Variants in ACAN observed in about 807,000 individuals in gnomAD.
The protein encoded by ACAN is aggrecan.
Under a neutral mutation model 169.1 loss-of-function variants are expected in ACAN, and 47 were observed. That is an observed-to-expected ratio of 0.28 (90% confidence interval 0.22 to 0.35). The LOEUF (loss-of-function observed/expected upper bound fraction) is 0.35, where lower values mean the gene tolerates loss of function less well. Ranked by LOEUF, ACAN falls within the 10% of genes least tolerant of loss-of-function variation. The probability of loss-of-function intolerance (pLI) is 1.00; values close to 1 mark genes in which losing one functional copy is unlikely to be tolerated. For missense variants in ACAN, 2,716 were observed against 2,759.9 expected (o/e 0.98, Z 0.36); for synonymous variants, 1,115 against 1,112.2 (o/e 1.00, Z -0.05).
rs758352547 is a variant in ACAN, at chr15:88,872,905, C to A, written c.7327C>A (p.Gln2443Lys). 71 of 1,613,666 alleles carry A rather than the reference C, an allele frequency of 4.4e-5. No homozygotes were observed. Among genetic ancestry groups the A allele is most frequent in the Non-Finnish European group, 5.9e-5 (70 of 1,179,918 alleles). Residue 2443 changes from glutamine to lysine, a missense_variant, in exon 17 of 19, where the codon CAG becomes AAG. Coordinates refer to ENST00000560601, the MANE Select transcript of ACAN (RefSeq NM_001369268.1). The surrounding 1 kb of genome is among the most constrained non-coding windows in gnomAD (Gnocchi z 5.4). ...GCAATTTGAGAACTGGCGCCCCAAC[C>A]AGCCTGACAACTTTTTTGCCGCTGG... is the stretch of plus-strand genomic sequence containing the variant. ...PMQFENWRPN[Q>K]PDNFFAAGED... is the part of the protein sequence containing the mutation.
intron 1 of ACAN, among the ~76,000 whole-genome samples, chr15:88,810,987 GC>G (rs1353549200): frequency 6.6e-6 from 1 of 152,174 alleles, no homozygotes; most frequent in Admixed American, 6.5e-5. Flanking sequence ...TACAGCCACT[GC>G]CCCCAGTTTG....
rs147566532 is a variant in ACAN, at chr15:88,838,005, C to T, written c.71-658C>T. On this transcript the variant is annotated intron_variant, in intron 2 of 18. Transcript: ENST00000560601. This position sits in a 1 kb window ranked among gnomAD's most constrained non-coding sequence, Gnocchi z 5.1. Reference sequence around the variant, plus strand: ...TTGCACCTCCTCTATTGACACTCTCCATTATATTAACATGTTTGGAGTCTG... The same window carrying T: ...TTGCACCTCCTCTATTGACACTCTCTATTATATTAACATGTTTGGAGTCTG... Among the ~76,000 whole-genome samples, 340 of 151,206 alleles carry T rather than the reference C, an allele frequency of 2.2e-3. 8 individuals are homozygous for T. The South Asian group carries it at 0.045, about 20-fold the overall frequency.
chr15:88,830,095 GTC>G (rs1458331005), intron 1 of ACAN, among the ~76,000 whole-genome samples: 14 of 152,040 alleles, frequency 9.2e-5, no homozygotes, highest in Middle Eastern at 3.4e-3. Flanking sequence ...CATTTGCTGA[GTC>G]TACACTGATG....
intron 1 of ACAN, among the ~76,000 whole-genome samples, chr15:88,823,135 G>A (rs1419207785): frequency 6.6e-6 from 1 of 152,180 alleles, no homozygotes; most frequent in Non-Finnish European, 1.5e-5. Flanking sequence ...GGGTCTCCCA[G>A]CCCCTTCTCA....
rs1896888294 is a variant in ACAN at position 88,849,694 on chromosome 15, A to T, written c.1989A>T (p.Pro663=). The T allele has an allele frequency of 6.2e-7, 1 of 1,613,846 alleles. No homozygotes were observed. ...TCTACCCTAACCAGACGGGCCTCCC[A>T]GACCCACTGTCCCGGCACCATGCCT... is the stretch of plus-strand genomic sequence containing the variant. ...VYLYPNQTGL[P]DPLSRHHAFC... The change falls in exon 10 of 19, where the codon CCA becomes CCT. Residue 663 remains proline (P), a synonymous_variant. Transcript: ENST00000560601. This position sits in a 1 kb window ranked among gnomAD's most constrained non-coding sequence, Gnocchi z 5.1.
At position 88,843,675 on chromosome 15, in the gene ACAN, G is replaced by T. The variant is rs371705917; in HGVS notation, c.1051+27G>T. ...TGGGGCACGGCTGGTGGTGGGAAGG[G>T]AGTTCATGCCACTAAAATGGGGTCC... is the stretch of plus-strand genomic sequence containing the variant. On this transcript the variant is annotated intron_variant, in intron 6 of 18. Coordinates refer to ENST00000560601, the MANE Select transcript of ACAN (RefSeq NM_001369268.1). The surrounding 1 kb of genome is among the most constrained non-coding windows in gnomAD (Gnocchi z 4.0). The T allele has an allele frequency of 1.1e-4, 165 of 1,541,670 alleles. 1 individual carries two copies. Among genetic ancestry groups the T allele is most frequent in the Non-Finnish European group, 1.4e-4 (161 of 1,137,668 alleles).
At position 88,857,942 on chromosome 15, in the gene ACAN, G is replaced by C. The variant is rs778345442; in HGVS notation, c.5357G>C (p.Ser1786Thr). Residue 1786 changes from serine (S) to threonine (T), a missense_variant, in exon 12 of 19, where the codon AGT (serine) becomes ACT (threonine). Ser to Thr is a moderately conservative substitution (Grantham distance 58). This residue lies in a region of ACAN where 1,389 missense variants were observed against 1,363.7 expected (regional missense o/e 1.02). Transcript: ENST00000560601. ...TSQPFGITDL[S>T]GETSGVPDLS... The stretch of plus-strand genomic sequence containing the variant: ...CAACCCTTTGGCATAACTGATCTGA[G>C]TGGAGAAACATCTGGGGTCCCTGAT... 1 of 1,613,760 alleles carries C rather than the reference G, an allele frequency of 6.2e-7. No individual in the cohort carries two copies. Among genetic ancestry groups the C allele is most frequent in the Non-Finnish European group, 8.5e-7 (1 of 1,179,904 alleles).
rs1012969377 is a variant in ACAN at position 88,807,336 on chromosome 15, C to T, written c.-8+3527C>T. Among the ~76,000 whole-genome samples the T allele has an allele frequency of 2.6e-5, 4 of 152,236 alleles. No homozygotes were observed. In the East Asian group the frequency reaches 5.8e-4, roughly 22 times the overall value. ...AGCACATCTTGGGAACAGGAGCCTT[C>T]CTCTCCTGCTGTCAACGGCCTGGCC... On this transcript the variant is annotated intron_variant, in intron 1 of 18. Coordinates refer to ENST00000560601, the MANE Select transcript of ACAN (RefSeq NM_001369268.1). The surrounding 1 kb of genome is among the most constrained non-coding windows in gnomAD (Gnocchi z 4.0).
chr15:88,816,363 T>C (rs1385602214), intron 1 of ACAN, among the ~76,000 whole-genome samples: 1 of 152,184 alleles, frequency 6.6e-6, no homozygotes, highest in African/African-American at 2.4e-5. Flanking sequence ...GGGAAGTCAT[T>C]CTCTTGGGGG....
chr15:88,868,111 G>T lies in ACAN; in HGVS notation c.6947-105G>T. On this transcript the variant is annotated intron_variant, in intron 13 of 18. Transcript: ENST00000560601. The surrounding 1 kb of genome is among the most constrained non-coding windows in gnomAD (Gnocchi z 5.2). ...AGGAAAACCAGCCAGTTCCCTCCCAGGGGTCTGGAGAGCAGCAGGACTGGC... is the reference window on the plus strand; with the variant it reads ...AGGAAAACCAGCCAGTTCCCTCCCATGGGTCTGGAGAGCAGCAGGACTGGC... The T allele has an allele frequency of 1.6e-6, 1 of 626,156 alleles. No homozygotes were observed. The highest frequency in any genetic ancestry group is 1.9e-5 in the South Asian group (1 of 53,460). 38.8% of individuals were successfully genotyped at this position (626,156 alleles called of 1,614,324 possible). A position where few individuals can be genotyped will look rare whatever the true frequency, so the allele number is the denominator to read the frequency against.
rs888720052 is a variant in ACAN at position 88,860,045 on chromosome 15, G to A, written c.6833-281G>A. On this transcript the variant is annotated intron_variant, in intron 12 of 18. Transcript: ENST00000560601. ...GACATAACTCCAAGTGCCGGGCAGC[G>A]GGCACTGGTAGCGGTAGCTGATTTT... Among the ~76,000 whole-genome samples the A allele has an allele frequency of 3.3e-5, 5 of 151,004 alleles. No individual in the cohort carries two copies. In the Middle Eastern group the frequency reaches 0.014, roughly 414 times the overall value.
chr15:88,834,943 T>G (rs1413044566), intron 1 of ACAN, among the ~76,000 whole-genome samples: 1 of 152,214 alleles, frequency 6.6e-6, no homozygotes, highest in Non-Finnish European at 1.5e-5. Flanking sequence ...CCACCTATGC[T>G]GGAGTCAGGG....
At chr15:88,836,096 T>C (rs887737550) in intron 1 of ACAN, 104 bp from the exon 2 acceptor site, 3 of 771,966 alleles carry the variant, frequency 3.9e-6, no homozygotes, top group Non-Finnish European at 6.7e-6. Flanking sequence ...TGATTCCAGG[T>C]CCTTGGGTGT....
chr15:88,843,526 C>T lies in ACAN; in HGVS notation c.929C>T (p.Pro310Leu). 6.2e-7 allele frequency: 1 copy of T among 1,612,748 alleles called. No individual in the cohort carries two copies. The change falls in exon 6 of 19, where the codon CCC becomes CTC. Residue 310 changes from proline (P) to leucine (L), a missense_variant. Transcript: ENST00000560601. This position sits in a 1 kb window ranked among gnomAD's most constrained non-coding sequence, Gnocchi z 4.0. Reference sequence around the variant, plus strand: ...CTGGCCGACCGCAGCGTGCGCTACCCCATCTCCAAGGCCCGGCCCAACTGC... The same window carrying T: ...CTGGCCGACCGCAGCGTGCGCTACCTCATCTCCAAGGCCCGGCCCAACTGC... ...GWLADRSVRY[P>L]ISKARPNCGG...
intron 1 of ACAN, among the ~76,000 whole-genome samples, chr15:88,835,162 AAC>A (rs1423463258): frequency 6.6e-6 from 1 of 152,152 alleles, no homozygotes; most frequent in Non-Finnish European, 1.5e-5. Flanking sequence ...TCTCTAGGTG[AAC>A]ATCTTTTCCC....
At chr15:88,825,222 G>A (rs1896183716) in intron 1 of ACAN, among the ~76,000 whole-genome samples, 1 of 152,120 alleles carries the variant, frequency 6.6e-6, no homozygotes, top group African/African-American at 2.4e-5. Flanking sequence ...ATCCTTTTCT[G>A]CCATGAAGTC....
intron 1 of ACAN, among the ~76,000 whole-genome samples, chr15:88,815,353 G>A (rs768096592): frequency 9.2e-5 from 14 of 152,078 alleles, no homozygotes; most frequent in Non-Finnish European, 1.9e-4. Context: ...GAGGTCAGGA[G>A]TTTGAGACCA....
chr15:88,813,744 A>C (rs139582445), intron 1 of ACAN, among the ~76,000 whole-genome samples: 4 of 152,316 alleles, frequency 2.6e-5, no homozygotes, highest in African/African-American at 9.6e-5. Context: ...CAGGTCAGGC[A>C]GTGGGGCTAG....
At chr15:88,837,934 CCATTCCCAGCA>C (rs991072715) in intron 2 of ACAN, among the ~76,000 whole-genome samples, 7 of 147,508 alleles carry the variant, frequency 4.7e-5, no homozygotes, top group African/African-American at 1.8e-4. Flanking sequence ...TTTTTTTTCC[CCATTCCCAGCA>C]GATCTTTTGT....
Sources: allele counts gnomAD v4.1 joint callset (sites outside exome capture counted in the v4.1 genomes callset), GRCh38; gene constraint gnomAD v4.1.1; regional missense constraint gnomAD v4.1.1; non-coding constraint Gnocchi (gnomAD v3.1); transcripts MANE v1.5; gene names NCBI Gene and HGNC (gene_info 2026-07-23, HGNC 2026-07-21).